The following SOX6 variants were observed in gnomAD, a reference collection of about 807,000 sequenced individuals.
SOX6 encodes transcription factor SOX-6.
A neutral mutation model predicts 97.8 loss-of-function variants in SOX6; 11 were observed. The observed-to-expected ratio is 0.11, with a 90% CI of 0.07 to 0.19. The LOEUF is 0.19. Among genes scored for constraint, SOX6 ranks in the 10% least tolerant of loss-of-function variants. The pLI, the probability that SOX6 is intolerant of heterozygous loss-of-function variation, is 1.00. For synonymous variants in SOX6, 360 were observed against 371.4 expected (o/e 0.97, Z 0.35); for missense variants, 810 against 1,039.5 (o/e 0.78, Z 3.04).
intron 4 of SOX6, among the ~76,000 whole-genome samples, chr11:16,489,505 A>G (rs967119494): frequency 9.2e-5 from 14 of 152,298 alleles, no homozygotes; most frequent in Admixed American, 3.9e-4. Flanking sequence ...ACTGTATTAT[A>G]TAATAGACAT....
intron 6 of SOX6, among the ~76,000 whole-genome samples, chr11:16,147,217 C>G (rs1850330249): frequency 6.6e-6 from 1 of 151,896 alleles, no homozygotes; most frequent in African/African-American, 2.4e-5. Flanking sequence ...ATGGATGAAG[C>G]TGGAAACTAT....
intron 1 of SOX6, among the ~76,000 whole-genome samples, chr11:16,351,703 T>G (rs562714934): frequency 6.6e-6 from 1 of 152,238 alleles, no homozygotes; most frequent in South Asian, 2.1e-4. Context: ...CCTTTCTTAG[T>G]GTTAGGAAAC....
chr11:16,072,512 G>A (rs1393766161), intron 9 of SOX6, among the ~76,000 whole-genome samples: 1 of 152,136 alleles, frequency 6.6e-6, no homozygotes, highest in Non-Finnish European at 1.5e-5. Flanking sequence ...CAAGCAACTT[G>A]GAAAACATGT....
intron 4 of SOX6, among the ~76,000 whole-genome samples, chr11:16,503,966 C>T (rs1248994889): frequency 1.3e-5 from 2 of 151,758 alleles, no homozygotes; most frequent in East Asian, 3.9e-4. Flanking sequence ...TTGCATGAAC[C>T]CAGGAGGCGG....
chr11:16,383,588 G>A (rs1186039879), intron 1 of SOX6, among the ~76,000 whole-genome samples: 1 of 151,884 alleles, frequency 6.6e-6, no homozygotes, highest in African/African-American at 2.4e-5. Flanking sequence ...TACATGTAAT[G>A]TTCTTAGCAC....
Position 16,165,192 on chromosome 11 carries a change from T to C in SOX6, c.777+18694A>G, listed in dbSNP as rs1850854991. Among the ~76,000 whole-genome samples, 7 of 152,190 alleles carry C rather than the reference T, an allele frequency of 4.6e-5. No homozygotes were observed. In the South Asian group the frequency reaches 1.4e-3, roughly 31 times the overall value. On this transcript the variant is annotated intron_variant, in intron 6 of 15. Transcript: ENST00000683767. ...ACCATCGCATTTAAGGGATATACCC[T>C]TGATGTTGATAGAGCTAAAATACTT... is the stretch of plus-strand genomic sequence containing the variant.
chr11:16,174,185 G>C (rs1172454640), intron 6 of SOX6, among the ~76,000 whole-genome samples: 2 of 151,772 alleles, frequency 1.3e-5, no homozygotes, highest in Non-Finnish European at 2.9e-5. Context: ...AAACACAGTT[G>C]AAGTTATGAA....
chr11:16,484,631 G>A (rs1438897430), intron 4 of SOX6: 6 of 662,312 alleles, frequency 9.1e-6, no homozygotes, highest in African/African-American at 1.8e-5. Flanking sequence ...CCCCAGGATG[G>A]ACATCCTGGC....
At chr11:16,074,598 A>G (rs754655175) in intron 9 of SOX6, among the ~76,000 whole-genome samples, 4 of 152,160 alleles carry the variant, frequency 2.6e-5, no homozygotes, top group Non-Finnish European at 5.9e-5. Flanking sequence ...TCAAAAACTT[A>G]ATCACATGCA....
At chr11:16,518,335 T>C (rs1861006042) in intron 4 of SOX6, among the ~76,000 whole-genome samples, 2 of 152,168 alleles carry the variant, frequency 1.3e-5, no homozygotes, top group African/African-American at 4.8e-5. Context: ...AAATACAAAA[T>C]GCTACTTCCT....
At chr11:16,429,796 A>C (rs1051844826) in intron 1 of SOX6, among the ~76,000 whole-genome samples, 1 of 152,168 alleles carries the variant, frequency 6.6e-6, no homozygotes, top group Non-Finnish European at 1.5e-5. Context: ...TTACGTATGT[A>C]ACAAACATGT....
At chr11:16,157,261 C>G (rs566137216) in intron 6 of SOX6, among the ~76,000 whole-genome samples, 1 of 152,090 alleles carries the variant, frequency 6.6e-6, no homozygotes, top group African/African-American at 2.4e-5. Context: ...TTCAATAGTA[C>G]CTCAAATGTT....
At chr11:16,177,284 A>C (rs187465108) in intron 6 of SOX6, among the ~76,000 whole-genome samples, 1 of 151,952 alleles carries the variant, frequency 6.6e-6, no homozygotes, top group Non-Finnish European at 1.5e-5. Flanking sequence ...CGAGTTTAAC[A>C]TTCTGTGAAA....
intron 4 of SOX6, among the ~76,000 whole-genome samples, chr11:16,568,432 G>A (rs1276380596): frequency 6.6e-6 from 1 of 152,182 alleles, no homozygotes; most frequent in Non-Finnish European, 1.5e-5. Flanking sequence ...TTGGGGAGAA[G>A]GGAGGAATGA....
chr11:16,021,157 C>T (rs1180324028), intron 12 of SOX6, among the ~76,000 whole-genome samples: 9 of 152,070 alleles, frequency 5.9e-5, no homozygotes, highest in South Asian at 2.1e-4. Flanking sequence ...GTGAAGTCTT[C>T]GCAAAACTCT....
intron 2 of SOX6, among the ~76,000 whole-genome samples, chr11:16,321,290 A>G (rs1181561967): frequency 6.6e-6 from 1 of 151,698 alleles, no homozygotes; most frequent in Admixed American, 6.6e-5. Flanking sequence ...CCCTGACTCA[A>G]CCTAAGGGAT....
At chr11:16,699,695 G>A (rs1430177132) in intron 3 of SOX6, among the ~76,000 whole-genome samples, 3 of 151,776 alleles carry the variant, frequency 2.0e-5, no homozygotes, top group Non-Finnish European at 4.4e-5. Flanking sequence ...GTGTCTGATT[G>A]CAAGCAAGAG....
At chr11:16,037,647 G>A (rs945263265) in intron 12 of SOX6, among the ~76,000 whole-genome samples, 1 of 152,144 alleles carries the variant, frequency 6.6e-6, no homozygotes, top group African/African-American at 2.4e-5. Flanking sequence ...AAGGCTCAAG[G>A]AAGTCACAGA....
At chr11:16,303,584 A>G (rs540288193) in intron 3 of SOX6, among the ~76,000 whole-genome samples, 9 of 152,264 alleles carry the variant, frequency 5.9e-5, no homozygotes, top group Admixed American at 5.2e-4. Context: ...TTCTTTCTCA[A>G]GATTTTCTTA....
Sources: allele counts gnomAD v4.1 joint callset (sites outside exome capture counted in the v4.1 genomes callset), GRCh38; gene constraint gnomAD v4.1.1; transcripts MANE v1.5; gene names NCBI Gene and HGNC (gene_info 2026-07-23, HGNC 2026-07-21).